Variants in THOP1 observed in about 807,000 individuals in gnomAD.
THOP1 encodes the protein thimet oligopeptidase.
In THOP1, 49 loss-of-function variants were observed where a neutral mutation model predicts 71.8. The ratio of observed to expected loss-of-function variants is 0.68; its 90% CI spans 0.54 to 0.87. The LOEUF (loss-of-function observed/expected upper bound fraction) is 0.87. THOP1 is among the 40% of genes least tolerant of loss of function. The probability of loss-of-function intolerance (pLI) is 0.00; values close to 1 mark genes in which losing one functional copy is unlikely to be tolerated. For synonymous variants in THOP1, 426 were observed against 421.5 expected (o/e 1.01, Z -0.13); for missense variants, 843 against 975.6 (o/e 0.86, Z 1.81).
intron 7 of THOP1, 139 bp from the exon 8 acceptor site, chr19:2,807,303 C>A: frequency 7.3e-7 from 1 of 1,364,748 alleles, no homozygotes; most frequent in Non-Finnish European, 9.7e-7. Context: ...GGATGCTCGG[C>A]CCCTCGAGGG....
chr19:2,789,752 AT>A (rs960339920), intron 1 of THOP1, among the ~76,000 whole-genome samples: 170 of 142,922 alleles, frequency 1.2e-3, no homozygotes, highest in Middle Eastern at 3.6e-3. Flanking sequence ...GGGCAGGGGG[AT>A]TTTTTTTTTT....
chr19:2,796,424 T>C (rs1429106268), intron 4 of THOP1, among the ~76,000 whole-genome samples: 1 of 143,382 alleles, frequency 7.0e-6, no homozygotes, highest in African/African-American at 2.7e-5. Flanking sequence ...GCACAGGGAG[T>C]GCTGGGTGCC....
chr19:2,790,683 G>A, intron 2 of THOP1, 50 bp downstream of exon 2: 1 of 1,462,960 alleles, frequency 6.8e-7, no homozygotes, highest in South Asian at 1.4e-5. Flanking sequence ...CGAGGGAGGT[G>A]GCACCGCAGG....
intron 11 of THOP1, among the ~76,000 whole-genome samples, 171 bp downstream of exon 11, chr19:2,810,939 C>T (rs1916447387): frequency 6.6e-6 from 1 of 152,252 alleles, no homozygotes; most frequent in African/African-American, 2.4e-5. Context: ...TGAGATGCAG[C>T]TGCAGGCCCA....
At chr19:2,807,876 G>A (rs1340489864) in intron 8 of THOP1, 68 bp downstream of exon 8, 15 of 1,406,368 alleles carry the variant, frequency 1.1e-5, no homozygotes, top group Middle Eastern at 2.1e-4. Flanking sequence ...CGGTGTGCCC[G>A]TCTGAGATGG....
chr19:2,807,812 G>A lies in THOP1; in HGVS notation c.1253+4G>A. On this transcript the variant is annotated splice_donor_region_variant and intron_variant, in intron 8 of 12. Transcript: ENST00000307741. ...TCTACCTGGACCTGTACCCGCGGTG[G>A]GTGAGGGCAGCGGGGGCGGGGGGCG... 6.8e-7 allele frequency: 1 copy of A among 1,478,916 alleles called. No homozygotes were observed. The highest frequency in any genetic ancestry group is 9.0e-7 in the Non-Finnish European group (1 of 1,117,180). The allele number at this position is 1,478,916 out of a possible 1,614,324, so 91.6% of individuals were successfully genotyped here.
intron 5 of THOP1, among the ~76,000 whole-genome samples, chr19:2,800,584 C>T (rs555912557): frequency 6.2e-4 from 95 of 152,336 alleles, no homozygotes; most frequent in East Asian, 3.3e-3. Flanking sequence ...CCCTCATGGC[C>T]GGAGGCCTCC....
rs962218949 is a variant in THOP1, at chr19:2,813,767, C to G, written c.*491C>G. ...GGGAGTAAAGGGCTGGGAACCAGTT[C>G]TGCCAGCCAGGCCGGCCTGGGGGGT... On this transcript the variant is annotated 3_prime_UTR_variant, in exon 13 of 13. Transcript: ENST00000307741. 5 of 153,006 alleles carry G rather than the reference C, an allele frequency of 3.3e-5. No homozygotes were observed. Among genetic ancestry groups the G allele is most frequent in the African/African-American group, 1.2e-4 (5 of 41,362 alleles). The allele number at this position is 153,006 out of a possible 1,614,324, so 9.5% of individuals were successfully genotyped here.
chr19:2,803,896 C>T (rs567161057), intron 5 of THOP1, among the ~76,000 whole-genome samples: 98 of 152,200 alleles, frequency 6.4e-4, no homozygotes, highest in Admixed American at 4.1e-3. Flanking sequence ...CTGGGGTCCC[C>T]GTGAGCTCCC....
intron 5 of THOP1, 71 bp downstream of exon 5, chr19:2,799,862 G>T: frequency 1.4e-6 from 2 of 1,392,542 alleles, no homozygotes; most frequent in South Asian, 2.4e-5. Flanking sequence ...CAGGCCCTCG[G>T]GGGCCGCCGC....
At chr19:2,796,519 G>A (rs1322601050) in intron 4 of THOP1, among the ~76,000 whole-genome samples, 3 of 151,316 alleles carry the variant, frequency 2.0e-5, no homozygotes, top group African/African-American at 7.3e-5. Context: ...TGGGCTTGGG[G>A]AGTGCTGGGT....
At chr19:2,808,094 G>T in intron 8 of THOP1, 149 bp from the exon 9 acceptor site, 2 of 981,300 alleles carry the variant, frequency 2.0e-6, no homozygotes, top group Non-Finnish European at 3.0e-6. Flanking sequence ...GCTGCCCTGC[G>T]CCAAGCCACC....
intron 5 of THOP1, among the ~76,000 whole-genome samples, chr19:2,800,088 G>A (rs77632499): frequency 6.6e-6 from 1 of 152,216 alleles, no homozygotes; most frequent in Admixed American, 6.5e-5. Context: ...GGCCGGACGG[G>A]GTGGCCAAGG....
rs960814502 is a variant in THOP1 at position 2,794,645 on chromosome 19, G to A, written c.230-119G>A. On this transcript the variant is annotated intron_variant, in intron 2 of 12. Transcript: ENST00000307741. Reference sequence around the variant, plus strand: ...AGTCCCAGCTACTTGGGAGGCTGAGGCAGGAGAGAGTTCACGGGGGGATTC... The same window carrying A: ...AGTCCCAGCTACTTGGGAGGCTGAGACAGGAGAGAGTTCACGGGGGGATTC... 3.4e-5 allele frequency: 43 copies of A among 1,280,562 alleles called. 1 individual carries two copies. The highest frequency in any genetic ancestry group is 4.3e-4 in the Middle Eastern group (2 of 4,668). The allele number at this position is 1,280,562 out of a possible 1,614,324, so 79.3% of individuals were successfully genotyped here.
Position 2,805,269 on chromosome 19 carries a change from C to T in THOP1, c.750+93C>T, listed in dbSNP as rs1916263367. The T allele has an allele frequency of 2.1e-6, 3 of 1,406,330 alleles. No homozygotes were observed. The highest frequency in any genetic ancestry group is 1.5e-5 in the South Asian group (1 of 68,828). 87.1% of individuals were successfully genotyped at this position (1,406,330 alleles called of 1,614,324 possible). Reference sequence around the variant, plus strand: ...GTGTGTGAGGCACCTCCAGGCTTTGCACTTGGATGGCCTCCCAATCTCCCT... The same window carrying T: ...GTGTGTGAGGCACCTCCAGGCTTTGTACTTGGATGGCCTCCCAATCTCCCT... On this transcript the variant is annotated intron_variant, in intron 6 of 12. Transcript: ENST00000307741. This position sits in a 1 kb window ranked among gnomAD's most constrained non-coding sequence, Gnocchi z 6.6.
intron 5 of THOP1, among the ~76,000 whole-genome samples, chr19:2,802,173 C>G (rs1429149673): frequency 6.6e-6 from 1 of 151,800 alleles, no homozygotes; most frequent in Non-Finnish European, 1.5e-5. Flanking sequence ...CCAACACCGC[C>G]ACCTCCAACA....
Position 2,799,675 on chromosome 19 carries a change from G to C in THOP1, c.487-14G>C. ...CGGTCTCTCCCTCCCCTCACGCCCC[G>C]CCTTTCTCTCCAGAACATCAAACGC... On this transcript the variant is annotated splice_polypyrimidine_tract_variant and intron_variant, in intron 4 of 12. Coordinates refer to ENST00000307741, the MANE Select transcript of THOP1 (RefSeq NM_003249.5). 6.6e-7 allele frequency: 1 copy of C among 1,522,282 alleles called. No homozygotes were observed. Among genetic ancestry groups the C allele is most frequent in the Non-Finnish European group, 9.0e-7 (1 of 1,113,160 alleles). The allele number at this position is 1,522,282 out of a possible 1,614,324, so 94.3% of individuals were successfully genotyped here.
rs59435097 is a variant in THOP1 at position 2,792,472 on chromosome 19, C to T, written c.229+1839C>T. Among the ~76,000 whole-genome samples the T allele has an allele frequency of 6.6e-5, 10 of 150,858 alleles. No homozygotes were observed. The South Asian group carries it at 8.5e-4, about 13-fold the overall frequency. ...GAGCCACCGTGCCCAGCCCACCCCC[C>T]CTCTAAACACACGGAGCCTCCTCCA... On this transcript the variant is annotated intron_variant, in intron 2 of 12. Transcript: ENST00000307741.
At chr19:2,812,632 G>A (rs771463905) in intron 12 of THOP1, among the ~76,000 whole-genome samples, 12 of 152,196 alleles carry the variant, frequency 7.9e-5, no homozygotes, top group Non-Finnish European at 1.6e-4. Flanking sequence ...GCAGCCTGCA[G>A]TCCGCGCAGG....
Sources: gnomAD v4.1 joint callset for allele counts (sites outside exome capture counted in the v4.1 genomes callset) on GRCh38, gnomAD v4.1.1 for gene constraint, Gnocchi (gnomAD v3.1) non-coding constraint, MANE v1.5 for transcripts, NCBI Gene and HGNC (gene_info 2026-07-23, HGNC 2026-07-21) for gene names.